The following ALK variants were observed in gnomAD, a reference collection of about 807,000 sequenced individuals.
ALK encodes ALK tyrosine kinase receptor.
In ALK, 74 loss-of-function variants were observed where a neutral mutation model predicts 163.1. That is an observed-to-expected ratio of 0.45 (90% confidence interval 0.38 to 0.55). The LOEUF is 0.55. Ranked by LOEUF, ALK falls within the 20% of genes least tolerant of loss-of-function variation. The probability of loss-of-function intolerance (pLI) is 0.00; values close to 1 mark genes in which losing one functional copy is unlikely to be tolerated. For synonymous variants in ALK, 960 were observed against 843.2 expected (o/e 1.14, Z -2.40); for missense variants, 2,063 against 2,105.3 (o/e 0.98, Z 0.39).
chr2:29,434,440 G>T (rs1172360846), intron 4 of ALK, among the ~76,000 whole-genome samples: 4 of 152,118 alleles, frequency 2.6e-5, no homozygotes, highest in African/African-American at 9.7e-5. Flanking sequence ...TGCATAATTT[G>T]CATGGCTAAA....
chr2:29,235,471 GT>G (rs1664349258), intron 13 of ALK, among the ~76,000 whole-genome samples: 1 of 152,102 alleles, frequency 6.6e-6, no homozygotes, highest in Non-Finnish European at 1.5e-5. Flanking sequence ...AGTGGATCTA[GT>G]GTGGGTGGAA....
At chr2:29,413,954 C>G (rs554506972) in intron 4 of ALK, among the ~76,000 whole-genome samples, 1 of 152,148 alleles carries the variant, frequency 6.6e-6, no homozygotes, top group African/African-American at 2.4e-5. Flanking sequence ...CGTGAGCCAT[C>G]GTGCCCAGGC....
intron 4 of ALK, among the ~76,000 whole-genome samples, chr2:29,411,905 G>T (rs1450641573): frequency 6.6e-6 from 1 of 152,208 alleles, no homozygotes; most frequent in Non-Finnish European, 1.5e-5. Context: ...AGCCTCTTGA[G>T]TGTCTTTGAG....
rs764712768 is a variant in ALK at position 29,509,325 on chromosome 2, A to G, written c.1154+22590T>C. Among the ~76,000 whole-genome samples the G allele has an allele frequency of 1.6e-4, 25 of 152,164 alleles. 1 individual carries two copies. Among genetic ancestry groups the G allele is most frequent in the Non-Finnish European group, 3.5e-4 (24 of 68,032 alleles). On this transcript the variant is annotated intron_variant, in intron 4 of 28. Transcript: ENST00000389048. Reference sequence around the variant, plus strand: ...TAGATTAAAAGAAGCTTATTTTTCAAAAATGTAGCTGAGATAGAAAGGCTT... The same window carrying G: ...TAGATTAAAAGAAGCTTATTTTTCAGAAATGTAGCTGAGATAGAAAGGCTT...
intron 1 of ALK, among the ~76,000 whole-genome samples, chr2:29,735,351 T>A (rs1446593217): frequency 6.6e-6 from 1 of 152,108 alleles, no homozygotes. Flanking sequence ...GTTATAAAAG[T>A]GTTTGTGAAC....
At chr2:29,662,960 G>C (rs1384828272) in intron 3 of ALK, among the ~76,000 whole-genome samples, 1 of 152,140 alleles carries the variant, frequency 6.6e-6, no homozygotes, top group South Asian at 2.1e-4. Context: ...CCAGTAGATA[G>C]TAGGGACTCA....
intron 1 of ALK, among the ~76,000 whole-genome samples, chr2:29,831,318 A>G (rs926060570): frequency 6.8e-6 from 1 of 146,804 alleles, no homozygotes; most frequent in Non-Finnish European, 1.5e-5. Context: ...GAAGAAGAAG[A>G]AGAAATGTAG....
intron 1 of ALK, among the ~76,000 whole-genome samples, chr2:29,896,207 GA>G (rs1667265490): frequency 6.6e-6 from 1 of 152,138 alleles, no homozygotes; most frequent in African/African-American, 2.4e-5. Flanking sequence ...GGTCTTAGAG[GA>G]GTTGACATTT....
At chr2:29,633,002 G>A (rs1573514201) in intron 3 of ALK, among the ~76,000 whole-genome samples, 1 of 152,158 alleles carries the variant, frequency 6.6e-6, no homozygotes, top group East Asian at 1.9e-4. Context: ...TGAGATTTGG[G>A]TGGGGACACA....
intron 1 of ALK, among the ~76,000 whole-genome samples, chr2:29,731,855 G>A (rs578248230): frequency 3.3e-5 from 5 of 152,148 alleles, no homozygotes; most frequent in African/African-American, 1.2e-4. Flanking sequence ...TTATAATTGT[G>A]GACCAAGAGC....
chr2:29,551,264 T>G (rs932969524), intron 3 of ALK, among the ~76,000 whole-genome samples: 4 of 152,206 alleles, frequency 2.6e-5, no homozygotes, highest in African/African-American at 9.6e-5. Flanking sequence ...TACATAAGAT[T>G]AGTTATGTAA....
intron 1 of ALK, among the ~76,000 whole-genome samples, chr2:29,870,465 G>C (rs1666549222): frequency 6.6e-6 from 1 of 152,240 alleles, no homozygotes; most frequent in South Asian, 2.1e-4. Flanking sequence ...CCATGATCCA[G>C]TCACCTCCCA....
rs2148138867 is a variant in ALK at position 29,193,819 on chromosome 2, G to A, written c.4268C>T (p.Pro1423Leu). The change falls in exon 29 of 29, where the codon CCT becomes CTT. Residue 1423 changes from proline (P) to leucine (L), a missense_variant. Physicochemically the swap from Pro to Leu is moderately conservative, Grantham distance 98. Around this residue, in one of 5 missense-constraint regions of ALK, gnomAD observed 403 missense variants for 366.2 expected, o/e 1.10. Transcript: ENST00000389048. ...TTTTGCCTGTTGAGAGACCAGGAGA[G>A]GAGGAACCCCCTCAGGGTCCTTGGG... ...VRPKDPEGVP[P>L]LLVSQQAKRE... 1 of 1,606,880 alleles carries A rather than the reference G, an allele frequency of 6.2e-7. No individual in the cohort carries two copies. Among genetic ancestry groups the A allele is most frequent in the Non-Finnish European group, 8.5e-7 (1 of 1,176,662 alleles).
chr2:29,670,478 T>C (rs1316137082), intron 3 of ALK, among the ~76,000 whole-genome samples: 1 of 152,074 alleles, frequency 6.6e-6, no homozygotes, highest in East Asian at 1.9e-4. Flanking sequence ...AGAGTTTGGT[T>C]ATTATATACC....
intron 23 of ALK, 134 bp downstream of exon 23, chr2:29,220,572 C>T (rs1669773128): frequency 7.9e-7 from 1 of 1,261,674 alleles, no homozygotes. Context: ...GTCAGTCACC[C>T]CCCTGTCCAA....
At chr2:29,565,603 T>C (rs996902038) in intron 3 of ALK, among the ~76,000 whole-genome samples, 1 of 152,118 alleles carries the variant, frequency 6.6e-6, no homozygotes, top group Non-Finnish European at 1.5e-5. Flanking sequence ...GGTTCTTCAG[T>C]GGAGCACTCC....
chr2:29,911,178 C>T lies in ALK; in HGVS notation c.667+8815G>A, dbSNP rs77734444. Among the ~76,000 whole-genome samples, 277 of 152,316 alleles carry T rather than the reference C, an allele frequency of 1.8e-3. 7 individuals are homozygous for T. In the East Asian group the frequency reaches 0.044, roughly 24 times the overall value. On this transcript the variant is annotated intron_variant, in intron 1 of 28. Transcript: ENST00000389048. ...TAGCACCATGGACAGCTAAGGGGCCCAAAGCAATCTTTTCTTTCTCACCCA... is the reference window on the plus strand; with the variant it reads ...TAGCACCATGGACAGCTAAGGGGCCTAAAGCAATCTTTTCTTTCTCACCCA...
At chr2:29,526,252 A>T (rs1672957219) in intron 4 of ALK, among the ~76,000 whole-genome samples, 1 of 152,192 alleles carries the variant, frequency 6.6e-6, no homozygotes. Flanking sequence ...ACCATTTGAC[A>T]AAGATGAGGC....
intron 1 of ALK, among the ~76,000 whole-genome samples, chr2:29,815,749 C>A (rs1055208517): frequency 6.6e-6 from 1 of 152,172 alleles, no homozygotes; most frequent in African/African-American, 2.4e-5. Flanking sequence ...TACCTCCTGT[C>A]CACTGTCCTC....
Sources: allele counts gnomAD v4.1 joint callset (sites outside exome capture counted in the v4.1 genomes callset), GRCh38; gene constraint gnomAD v4.1.1; regional missense constraint gnomAD v4.1.1; transcripts MANE v1.5; gene names NCBI Gene and HGNC (gene_info 2026-07-23, HGNC 2026-07-21).